The following RUNDC3B variants were observed in gnomAD, a reference collection of about 807,000 sequenced individuals.
RUNDC3B encodes RUN domain-containing protein 3B.
Under a neutral mutation model 58.4 loss-of-function variants are expected in RUNDC3B, and 33 were observed. That is an observed-to-expected ratio of 0.56 (90% CI 0.43 to 0.75). The LOEUF (loss-of-function observed/expected upper bound fraction) is 0.75, where lower values mean the gene tolerates loss of function less well. RUNDC3B is among the 30% of genes least tolerant of loss of function. The probability of loss-of-function intolerance (pLI) is 0.00; values close to 1 mark genes in which losing one functional copy is unlikely to be tolerated. For synonymous variants in RUNDC3B, 193 were observed against 195.2 expected, an observed-to-expected ratio of 0.99 and a Z score of 0.10; for missense variants, 501 against 535.7, an observed-to-expected ratio of 0.94 and a Z score of 0.64.
intron 9 of RUNDC3B, among the ~76,000 whole-genome samples, chr7:87,812,705 G>C (rs1836793103): frequency 6.6e-6 from 1 of 152,166 alleles, no homozygotes; most frequent in African/African-American, 2.4e-5. Flanking sequence ...GACTCTTACT[G>C]TCTTGGGTTC....
chr7:87,639,811 A>G (rs982888843), intron 1 of RUNDC3B, among the ~76,000 whole-genome samples: 1 of 151,968 alleles, frequency 6.6e-6, no homozygotes, highest in African/African-American at 2.4e-5. Flanking sequence ...TAGGTAAGAT[A>G]GGATTGAATT....
chr7:87,766,637 A>G (rs1268181456), intron 6 of RUNDC3B, among the ~76,000 whole-genome samples: 2 of 152,024 alleles, frequency 1.3e-5, no homozygotes, highest in Non-Finnish European at 2.9e-5. Context: ...AATTTCCTTT[A>G]TAGGAAATTC....
At chr7:87,683,528 G>A (rs1267998868) in intron 2 of RUNDC3B, among the ~76,000 whole-genome samples, 1 of 152,134 alleles carries the variant, frequency 6.6e-6, no homozygotes, top group Non-Finnish European at 1.5e-5. Context: ...GTGTCTCAAG[G>A]GAATAGGGAG....
intron 2 of RUNDC3B, among the ~76,000 whole-genome samples, chr7:87,679,071 T>C (rs2130574999): frequency 7.4e-6 from 1 of 135,426 alleles, no homozygotes; most frequent in Admixed American, 7.7e-5. Context: ...CAACTGACAT[T>C]TATAAAACAC....
chr7:87,657,233 A>T (rs1563108875), intron 2 of RUNDC3B, among the ~76,000 whole-genome samples: 1 of 152,148 alleles, frequency 6.6e-6, no homozygotes, highest in Admixed American at 6.6e-5. Context: ...TATATCCCAG[A>T]CTGGGTGTTG....
At chr7:87,643,752 C>A (rs1242927869) in intron 1 of RUNDC3B, among the ~76,000 whole-genome samples, 1 of 151,998 alleles carries the variant, frequency 6.6e-6, no homozygotes, top group Non-Finnish European at 1.5e-5. Flanking sequence ...GTCTCGAACT[C>A]CTGAGCTCAG....
At chr7:87,640,181 T>C (rs2214101) in intron 1 of RUNDC3B, among the ~76,000 whole-genome samples, 14,405 of 148,826 alleles carry the variant, frequency 0.097, 831 homozygotes, top group African/African-American at 0.17. Context: ...AACATACTTA[T>C]ATATATATGT....
intron 6 of RUNDC3B, among the ~76,000 whole-genome samples, chr7:87,748,844 C>T (rs763140478): frequency 2.6e-5 from 4 of 152,034 alleles, no homozygotes; most frequent in South Asian, 2.1e-4. Context: ...GTAATGACAC[C>T]GTGATTTCTA....
chr7:87,641,458 T>C (rs1822444730), intron 1 of RUNDC3B, among the ~76,000 whole-genome samples: 1 of 152,210 alleles, frequency 6.6e-6, no homozygotes, highest in Non-Finnish European at 1.5e-5. Flanking sequence ...TACAGTTTGC[T>C]CCTGGCCTTT....
intron 6 of RUNDC3B, among the ~76,000 whole-genome samples, chr7:87,746,230 A>G (rs768907857): frequency 3.3e-5 from 5 of 152,166 alleles, no homozygotes; most frequent in Non-Finnish European, 5.9e-5. Context: ...CATATGGTCT[A>G]TCTTGGAGAA....
At chr7:87,774,713 A>G (rs1834523328) in intron 7 of RUNDC3B, among the ~76,000 whole-genome samples, 1 of 152,342 alleles carries the variant, frequency 6.6e-6, no homozygotes, top group South Asian at 2.1e-4. Context: ...AAAAAAAACT[A>G]TTATGTATTG....
Position 87,803,833 on chromosome 7 carries a change from C to A in RUNDC3B, c.957-3540C>A, listed in dbSNP as rs144068666. On this transcript the variant is annotated intron_variant, in intron 8 of 10. Coordinates refer to ENST00000394654, the MANE Select transcript of RUNDC3B (RefSeq NM_001134405.2). The stretch of plus-strand genomic sequence containing the variant: ...TCTAAATTTTTAGTTTAAAACTTTA[C>A]TTTTTGTTATGAGGTGGTATATGGG... 2.0e-3 allele frequency among the ~76,000 whole-genome samples: 300 copies of A among 152,122 alleles called. 1 individual carries two copies. The highest frequency in any genetic ancestry group is 6.8e-3 in the African/African-American group (284 of 41,524).
At chr7:87,827,102 A>G (rs1031029048) in intron 10 of RUNDC3B, among the ~76,000 whole-genome samples, 2 of 152,246 alleles carry the variant, frequency 1.3e-5, no homozygotes, top group African/African-American at 4.8e-5. Context: ...AACAGTAAAT[A>G]TAACTATATA....
At chr7:87,644,294 GGT>G (rs1822761323) in intron 1 of RUNDC3B, among the ~76,000 whole-genome samples, 1 of 152,178 alleles carries the variant, frequency 6.6e-6, no homozygotes, top group Non-Finnish European at 1.5e-5. Context: ...TATTATGTTT[GGT>G]GTGGATTGTG....
intron 1 of RUNDC3B, 64 bp from the exon 2 acceptor site, chr7:87,650,757 AT>A: frequency 3.0e-6 from 3 of 985,052 alleles, no homozygotes; most frequent in Admixed American, 1.8e-5. Flanking sequence ...CCTTCCTCCC[AT>A]TTTTTTCATA....
intron 6 of RUNDC3B, among the ~76,000 whole-genome samples, chr7:87,750,106 C>T (rs1278720714): frequency 6.6e-6 from 1 of 151,814 alleles, no homozygotes; most frequent in Non-Finnish European, 1.5e-5. Flanking sequence ...TCAATTCCCA[C>T]CTATGAGTGA....
chr7:87,674,035 C>T (rs1051927635), intron 2 of RUNDC3B, among the ~76,000 whole-genome samples: 3 of 152,152 alleles, frequency 2.0e-5, no homozygotes, highest in Admixed American at 6.5e-5. Context: ...TGGTACCTGG[C>T]CCCTGGCTTT....
rs1401668728 is a variant in RUNDC3B at position 87,831,359 on chromosome 7, G to A, written c.*1329G>A. On this transcript the variant is annotated 3_prime_UTR_variant, in exon 11 of 11. Coordinates refer to ENST00000394654, the MANE Select transcript of RUNDC3B (RefSeq NM_001134405.2). ...TTCATTCTTTGTGTTAGAAATGTAGGAGTGTGGTGGTTTTCTGCAATATTT... is the reference window on the plus strand; with the variant it reads ...TTCATTCTTTGTGTTAGAAATGTAGAAGTGTGGTGGTTTTCTGCAATATTT... 2 of 151,802 alleles carry A rather than the reference G, an allele frequency of 1.3e-5. No homozygotes were observed. The highest frequency in any genetic ancestry group is 2.9e-5 in the Non-Finnish European group (2 of 67,836). 9.4% of individuals were successfully genotyped at this position (151,802 alleles called of 1,614,324 possible).
At chr7:87,772,250 G>A (rs562124979) in intron 7 of RUNDC3B, among the ~76,000 whole-genome samples, 6 of 151,734 alleles carry the variant, frequency 4.0e-5, no homozygotes, top group Non-Finnish European at 8.8e-5. Flanking sequence ...TTTAACAACT[G>A]ACTTAAATTT....
Sources: allele counts gnomAD v4.1 joint callset (sites outside exome capture counted in the v4.1 genomes callset), GRCh38; gene constraint gnomAD v4.1.1; transcripts MANE v1.5; gene names NCBI Gene and HGNC (gene_info 2026-07-23, HGNC 2026-07-21).